Variants in ZMYM2 observed in about 807,000 individuals in gnomAD.
ZMYM2 encodes the protein zinc finger MYM-type containing 2.
In ZMYM2, 56 loss-of-function variants were observed where a neutral mutation model predicts 162.8. The observed-to-expected ratio is 0.34, with a 90% CI of 0.28 to 0.43. ZMYM2 has a LOEUF of 0.43. Ranked by LOEUF, ZMYM2 falls within the 20% of genes least tolerant of loss-of-function variation. The probability of loss-of-function intolerance (pLI) is 1.00; values close to 1 mark genes in which losing one functional copy is unlikely to be tolerated. For missense variants in ZMYM2, 1,275 were observed against 1,621.8 expected, an observed-to-expected ratio of 0.79 and a Z score of 3.67; for synonymous variants, 510 against 541.6, an observed-to-expected ratio of 0.94 and a Z score of 0.81.
chr13:19,912,176 C>T, the ZMYM2 span, among the ~76,000 whole-genome samples: 6 of 152,164 alleles, frequency 3.9e-5, no homozygotes, highest in Admixed American at 3.9e-4. Flanking sequence ...TAAGGTCCAC[C>T]AGAAGTAGTT....
rs201182582 is a variant in ZMYM2 at position 20,086,771 on chromosome 13, G to A, written c.*757G>A. 53 of 133,830 alleles carry A rather than the reference G, an allele frequency of 4.0e-4. No individual in the cohort carries two copies. The highest frequency in any genetic ancestry group is 2.2e-3 in the South Asian group (9 of 4,170). The allele number at this position is 133,830 out of a possible 1,614,324, so 8.3% of individuals were successfully genotyped here. A position where few individuals can be genotyped will look rare whatever the true frequency, so the allele number is the denominator to read the frequency against. On this transcript the variant is annotated 3_prime_UTR_variant, in exon 25 of 25. Coordinates refer to ENST00000610343, the MANE Select transcript of ZMYM2 (RefSeq NM_197968.4). The stretch of plus-strand genomic sequence containing the variant: ...TATATATATGTATGTATGTGTGTGT[G>A]TATATATATATATATATATATATAT...
intron 3 of ZMYM2, among the ~76,000 whole-genome samples, chr13:19,998,698 A>T (rs1419697746): frequency 6.6e-6 from 1 of 152,176 alleles, no homozygotes; most frequent in Non-Finnish European, 1.5e-5. Flanking sequence ...TGTTTCTCCA[A>T]CTAAGGGGTA....
rs117334747 is a variant in ZMYM2 at position 20,078,623 on chromosome 13, A to G, written c.3454-3393A>G. 9.3e-3 allele frequency among the ~76,000 whole-genome samples: 1,411 copies of G among 152,320 alleles called. 11 individuals carry two copies. Among genetic ancestry groups the G allele is most frequent in the Non-Finnish European group, 0.013 (913 of 68,024 alleles). ...TTTCTGTTTAAGTAGATATCTGTCA[A>G]CGTGCTGCTTTGCCCTACAAAGCAT... On this transcript the variant is annotated intron_variant, in intron 21 of 24. Coordinates refer to ENST00000610343, the MANE Select transcript of ZMYM2 (RefSeq NM_197968.4).
chr13:20,005,928 T>A (rs1950706089), intron 5 of ZMYM2, among the ~76,000 whole-genome samples: 1 of 152,090 alleles, frequency 6.6e-6, no homozygotes, highest in Admixed American at 6.6e-5. Flanking sequence ...TAAAAACAAT[T>A]TAAATAATTA....
intron 6 of ZMYM2, among the ~76,000 whole-genome samples, chr13:20,016,292 C>T (rs1223590846): frequency 3.3e-5 from 5 of 151,978 alleles, no homozygotes; most frequent in African/African-American, 1.2e-4. Flanking sequence ...TATATCTGTT[C>T]CCTCTTTTTG....
chr13:20,088,992 G>C lies in ZMYM2; in HGVS notation c.*2978G>C, dbSNP rs1359563847. On this transcript the variant is annotated 3_prime_UTR_variant, in exon 25 of 25. Transcript: ENST00000610343. ...ATGCCAGTTATTTCCAAAATGTATT[G>C]TTATACATGTCACTTATGTTTTTAA... is the stretch of plus-strand genomic sequence containing the variant. 2.0e-5 allele frequency: 4 copies of C among 198,402 alleles called. No individual in the cohort carries two copies. The highest frequency in any genetic ancestry group is 4.2e-5 in the Non-Finnish European group (4 of 95,970). The allele number at this position is 198,402 out of a possible 1,614,324, so 12.3% of individuals were successfully genotyped here. A position where few individuals can be genotyped will look rare whatever the true frequency, so the allele number is the denominator to read the frequency against.
chr13:20,022,489 C>T (rs946771469), intron 7 of ZMYM2, among the ~76,000 whole-genome samples: 1 of 152,078 alleles, frequency 6.6e-6, no homozygotes, highest in African/African-American at 2.4e-5. Flanking sequence ...TGCTATTTTT[C>T]CCTCTGTATC....
chr13:19,908,570 G>A, the ZMYM2 span, among the ~76,000 whole-genome samples: 7 of 152,064 alleles, frequency 4.6e-5, no homozygotes, highest in South Asian at 4.2e-4. Flanking sequence ...AAAGTTCCCC[G>A]TCTGCTTTCC....
intron 6 of ZMYM2, among the ~76,000 whole-genome samples, chr13:20,014,969 T>G (rs1951501498): frequency 6.6e-6 from 1 of 152,010 alleles, no homozygotes; most frequent in Non-Finnish European, 1.5e-5. Flanking sequence ...TTCACCGTGT[T>G]AGACTGGTCT....
intron 19 of ZMYM2, 32 bp downstream of exon 19, chr13:20,064,577 T>G (rs759328897): frequency 7.4e-6 from 11 of 1,490,844 alleles, no homozygotes; most frequent in Non-Finnish European, 9.0e-6. Flanking sequence ...TATAACAATA[T>G]TTCTCTATAG....
the ZMYM2 span, among the ~76,000 whole-genome samples, chr13:19,922,888 G>A: frequency 6.6e-6 from 1 of 151,998 alleles, no homozygotes; most frequent in Non-Finnish European, 1.5e-5. Context: ...TGAGCGAGGT[G>A]GCGCATGCCT....
rs1308127943 is a variant in ZMYM2 at position 19,993,402 on chromosome 13, G to A, written c.330G>A (p.Lys110=). 6.2e-7 allele frequency: 1 copy of A among 1,613,790 alleles called. No individual in the cohort carries two copies. The highest frequency in any genetic ancestry group is 1.7e-5 in the Admixed American group (1 of 59,994). ...TPSSKELASQ[K]GSVSETIVID... is the part of the protein sequence containing the mutation. ...CCTCAAAAGAGTTGGCATCTCAGAA[G>A]GGAAGTGTAAGTGAGACAATTGTCA... Residue 110 remains lysine (K), a synonymous_variant, in exon 3 of 25, where the codon AAG becomes AAA. Coordinates refer to ENST00000610343, the MANE Select transcript of ZMYM2 (RefSeq NM_197968.4).
chr13:19,931,068 G>A, the ZMYM2 span, among the ~76,000 whole-genome samples: 5,783 of 150,816 alleles, frequency 0.038, 163 homozygotes, highest in East Asian at 0.13. Flanking sequence ...GAACCCAGGA[G>A]GCGGAGCTTG....
the ZMYM2 span, among the ~76,000 whole-genome samples, chr13:19,892,306 C>G: frequency 6.6e-6 from 1 of 151,484 alleles, no homozygotes; most frequent in Non-Finnish European, 1.5e-5. Flanking sequence ...GAGTCTCACT[C>G]TGTCGCCCAG....
intron 2 of ZMYM2, among the ~76,000 whole-genome samples, chr13:19,992,498 T>C (rs1185113935): frequency 6.6e-6 from 1 of 152,124 alleles, no homozygotes; most frequent in Non-Finnish European, 1.5e-5. Context: ...AGGTCAAGGC[T>C]GTAGTGAGCC....
chr13:19,894,506 C>T, the ZMYM2 span, among the ~76,000 whole-genome samples: 9 of 151,960 alleles, frequency 5.9e-5, no homozygotes, highest in South Asian at 1.5e-3. Flanking sequence ...CCACCACGCC[C>T]AGCTAATTTT....
chr13:19,900,185 G>C, the ZMYM2 span, among the ~76,000 whole-genome samples: 1 of 151,994 alleles, frequency 6.6e-6, no homozygotes, highest in Non-Finnish European at 1.5e-5. Context: ...TGTAATCCCA[G>C]CTACTCAGGA....
intron 2 of ZMYM2, among the ~76,000 whole-genome samples, chr13:19,961,140 TATG>T (rs1162576253): frequency 3.3e-5 from 5 of 151,884 alleles, no homozygotes; most frequent in African/African-American, 1.2e-4. Context: ...TTAAGTTTAT[TATG>T]GAAACTTTAA....
chr13:19,985,481 TTG>T (rs1317125862), intron 2 of ZMYM2, among the ~76,000 whole-genome samples: 2 of 152,144 alleles, frequency 1.3e-5, no homozygotes, highest in Non-Finnish European at 2.9e-5. Flanking sequence ...GCTGTTTCTT[TTG>T]AAGCTTGTGT....
Sources: gnomAD v4.1 joint callset for allele counts (sites outside exome capture counted in the v4.1 genomes callset) on GRCh38, gnomAD v4.1.1 for gene constraint, MANE v1.5 for transcripts, NCBI Gene and HGNC (gene_info 2026-07-23, HGNC 2026-07-21) for gene names.